The following HEATR4 variants were observed in gnomAD, a reference collection of about 807,000 sequenced individuals.
HEATR4 encodes HEAT repeat containing 4.
A neutral mutation model predicts 108.8 loss-of-function variants in HEATR4; 95 were observed. The observed-to-expected ratio is 0.87, with a 90% CI of 0.74 to 1.04. The LOEUF is 1.04. Ranked by LOEUF, HEATR4 falls within the 50% of genes least tolerant of loss-of-function variation. The probability of loss-of-function intolerance (pLI) is 0.00; values close to 1 mark genes in which losing one functional copy is unlikely to be tolerated. For missense variants in HEATR4, 1,152 were observed against 1,253.8 expected (o/e 0.92, Z 1.23); for synonymous variants, 443 against 459.4 (o/e 0.96, Z 0.46).
chr14:73,494,181 G>A (rs1273137192), intron 16 of HEATR4, among the ~76,000 whole-genome samples: 2 of 152,206 alleles, frequency 1.3e-5, no homozygotes, highest in African/African-American at 4.8e-5. Flanking sequence ...AATCTGACAA[G>A]TGAATATTCT....
In HEATR4 at chr14:73,544,198, G is replaced by T. The variant is rs1399083226; in HGVS notation, c.-151-13954C>A. Among the ~76,000 whole-genome samples the T allele has an allele frequency of 6.1e-5, 7 of 115,290 alleles. 2 individuals are homozygous for T. Among genetic ancestry groups the T allele is most frequent in the Non-Finnish European group, 1.9e-5 (1 of 52,846 alleles). The allele number at this position is 115,290 out of a possible 152,430, so 75.6% of individuals were successfully genotyped here. A position where few individuals can be genotyped will look rare whatever the true frequency, so the allele number is the denominator to read the frequency against. ...AGTCCCAGCTACTCAGGAGGCTGAC[G>T]CAGGAGAATTGCTTGAACCCGGGAG... On this transcript the variant is annotated intron_variant, in intron 1 of 17. Transcript: ENST00000553558.
rs1407868927 is a variant in HEATR4, at chr14:73,538,052, C to T, written c.-151-7808G>A. 2.7e-5 allele frequency among the ~76,000 whole-genome samples: 3 copies of T among 110,196 alleles called. 1 individual carries two copies. The highest frequency in any genetic ancestry group is 5.9e-5 in the Non-Finnish European group (3 of 51,008). 72.3% of individuals were successfully genotyped at this position (110,196 alleles called of 152,430 possible). A position where few individuals can be genotyped will look rare whatever the true frequency, so the allele number is the denominator to read the frequency against. ...ATGTTGCCCAGGTAGGTCTTGAACT[C>T]CTGGACCCAAGCTATCCTCCCGCCT... On this transcript the variant is annotated intron_variant, in intron 1 of 17. Coordinates refer to ENST00000553558, the MANE Select transcript of HEATR4 (RefSeq NM_001220484.1).
Position 73,548,075 on chromosome 14 carries a change from C to T in HEATR4, c.-152+10676G>A, listed in dbSNP as rs1186165085. On this transcript the variant is annotated intron_variant, in intron 1 of 17. Transcript: ENST00000553558. ...TCCTGAGTAGCTGAGACTATAGGCA[C>T]TTGCCACCATGCCCAGCTAATTTTT... 1.3e-4 allele frequency among the ~76,000 whole-genome samples: 15 copies of T among 114,612 alleles called. 2 individuals are homozygous for T. The highest frequency in any genetic ancestry group is 3.7e-4 in the African/African-American group (13 of 35,362). 75.2% of individuals were successfully genotyped at this position (114,612 alleles called of 152,430 possible).
At chr14:73,537,203 T>G in intron 1 of HEATR4, 1 of 415,688 alleles carries the variant, frequency 2.4e-6, no homozygotes, top group Non-Finnish European at 3.9e-6. Context: ...CAACATAAAG[T>G]GGAGGTTTCA....
chr14:73,599,782 G>T, the HEATR4 span, among the ~76,000 whole-genome samples: 1 of 152,288 alleles, frequency 6.6e-6, no homozygotes, highest in Middle Eastern at 3.4e-3. Flanking sequence ...AAGGAGAGTG[G>T]CAAGGTTCTG....
rs554001819 is a variant in HEATR4 at position 73,525,066 on chromosome 14, G to A, written c.-72-1842C>T. On this transcript the variant is annotated intron_variant, in intron 2 of 17. Coordinates refer to ENST00000553558, the MANE Select transcript of HEATR4 (RefSeq NM_001220484.1). ...TTTTGAGACAGGGTCTTGTTCTGTC[G>A]CCCAGGCTGGAGTGCAGCACTGGCA... Among the ~76,000 whole-genome samples the A allele has an allele frequency of 1.3e-4, 20 of 151,758 alleles. 2 individuals carry two copies. Among genetic ancestry groups the A allele is most frequent in the African/African-American group, 3.6e-4 (15 of 41,326 alleles).
the HEATR4 span, among the ~76,000 whole-genome samples, chr14:73,621,658 A>C: frequency 6.6e-6 from 1 of 152,186 alleles, no homozygotes; most frequent in Non-Finnish European, 1.5e-5. Flanking sequence ...ATTAGATCTT[A>C]ACAATGAAAA....
Position 73,531,758 on chromosome 14 carries a change from C to T in HEATR4, c.-151-1514G>A, listed in dbSNP as rs540720835. ...AACCTCAGCCAGGCGCAATGGCTGA[C>T]ACCTGTAATCCCAGCAACTTGGGAG... On this transcript the variant is annotated intron_variant, in intron 1 of 17. Coordinates refer to ENST00000553558, the MANE Select transcript of HEATR4 (RefSeq NM_001220484.1). 2.6e-3 allele frequency among the ~76,000 whole-genome samples: 300 copies of T among 113,380 alleles called. 83 individuals are homozygous for T. The highest frequency in any genetic ancestry group is 4.5e-3 in the Non-Finnish European group (236 of 52,194). The allele number at this position is 113,380 out of a possible 152,430, so 74.4% of individuals were successfully genotyped here. A position where few individuals can be genotyped will look rare whatever the true frequency, so the allele number is the denominator to read the frequency against.
At chr14:73,583,372 G>A in the HEATR4 span, among the ~76,000 whole-genome samples, 2 of 150,142 alleles carry the variant, frequency 1.3e-5, no homozygotes, top group African/African-American at 4.9e-5. Flanking sequence ...AAAGAATGCA[G>A]TTTCCACCTC....
At chr14:73,595,744 T>G in the HEATR4 span, 1 of 1,395,486 alleles carries the variant, frequency 7.2e-7, no homozygotes, top group Middle Eastern at 2.7e-4. Flanking sequence ...TGGATAACAT[T>G]AAAGCCATGT....
the HEATR4 span, among the ~76,000 whole-genome samples, chr14:73,627,819 AT>A: frequency 0.56 from 83,046 of 147,806 alleles, 23,811 homozygotes; most frequent in East Asian, 0.84. Context: ...AGTCCCAACA[AT>A]TTTTTTTTTT....
upstream of HEATR4, among the ~76,000 whole-genome samples, chr14:73,563,245 T>C (rs1462502523): frequency 5.3e-5 from 8 of 152,036 alleles, no homozygotes; most frequent in Non-Finnish European, 5.9e-5. Context: ...CGTTGAAATA[T>C]TGGGGGCGAG....
At chr14:73,502,589 C>T (rs1169850898) in intron 11 of HEATR4, among the ~76,000 whole-genome samples, 1 of 151,932 alleles carries the variant, frequency 6.6e-6, no homozygotes, top group South Asian at 2.1e-4. Context: ...TGCTCTGTTG[C>T]CAGGCTGGAG....
Position 73,502,905 on chromosome 14 carries a change from C to T in HEATR4, c.2095G>A (p.Asp699Asn), listed in dbSNP as rs762917216. ...GQMSLGKEVH[D>N]IIRVKLGQGN... ...TTGACTGGGTCTTACCTGATTATGTCGTGCACCTCTTTCCCGAGGCTCATT... is the reference window on the plus strand; with the variant it reads ...TTGACTGGGTCTTACCTGATTATGTTGTGCACCTCTTTCCCGAGGCTCATT... The change falls in exon 11 of 18, where the codon GAC becomes AAC. Residue 699 changes from aspartate to asparagine, a missense_variant. Asp to Asn is a conservative substitution (Grantham distance 23). Coordinates refer to ENST00000553558, the MANE Select transcript of HEATR4 (RefSeq NM_001220484.1). The T allele has an allele frequency of 7.4e-6, 12 of 1,611,764 alleles. No homozygotes were observed. Among genetic ancestry groups the T allele is most frequent in the South Asian group, 4.4e-5 (4 of 91,044 alleles).
chr14:73,482,796 T>A (rs1885307190), intron 17 of HEATR4, among the ~76,000 whole-genome samples: 1 of 152,124 alleles, frequency 6.6e-6, no homozygotes, highest in South Asian at 2.1e-4. Flanking sequence ...GTAGCTGAGA[T>A]TACAGGCACA....
intron 16 of HEATR4, among the ~76,000 whole-genome samples, chr14:73,493,587 T>C (rs10148812): frequency 0.79 from 119,392 of 152,036 alleles, 47,760 homozygotes; most frequent in African/African-American, 0.95. Flanking sequence ...CCTGTAATCC[T>C]AGCACTTTAG....
At chr14:73,591,716 C>T in the HEATR4 span, 57 of 398,792 alleles carry the variant, frequency 1.4e-4, no homozygotes, top group Non-Finnish European at 2.4e-4. Flanking sequence ...TTGGGCGCCA[C>T]ACCTTGCGCG....
At chr14:73,560,690 T>C (rs1356509413), upstream of HEATR4, among the ~76,000 whole-genome samples, 1 of 149,972 alleles carries the variant, frequency 6.7e-6, no homozygotes, top group African/African-American at 2.4e-5. Context: ...AATTAAATAC[T>C]AAAAAAATTA....
the HEATR4 span, among the ~76,000 whole-genome samples, chr14:73,568,285 A>G: frequency 6.6e-6 from 1 of 152,038 alleles, no homozygotes; most frequent in Non-Finnish European, 1.5e-5. Flanking sequence ...AGCTTTCTCT[A>G]ATTACACAGG....
Sources: gnomAD v4.1 joint callset for allele counts (sites outside exome capture counted in the v4.1 genomes callset) on GRCh38, gnomAD v4.1.1 for gene constraint, MANE v1.5 for transcripts, NCBI Gene and HGNC (gene_info 2026-07-23, HGNC 2026-07-21) for gene names.